The following DEPDC5 variants were observed in gnomAD, a reference collection of about 807,000 sequenced individuals.
The protein encoded by DEPDC5 is DEP domain containing 5, GATOR1 subcomplex subunit.
DEPDC5 carries 73 observed loss-of-function variants against 217.3 expected under a neutral mutation model. That is an observed-to-expected ratio of 0.34 (90% confidence interval 0.28 to 0.41). DEPDC5 has a LOEUF of 0.41. Among genes scored for constraint, DEPDC5 ranks in the 10% least tolerant of loss-of-function variants. The pLI is 1.00. For synonymous variants in DEPDC5, 733 were observed against 756.7 expected, an observed-to-expected ratio of 0.97 and a Z score of 0.51; for missense variants, 1,675 against 2,070.1, an observed-to-expected ratio of 0.81 and a Z score of 3.70.
chr22:31,899,705 T>A (rs1049932161), intron 40 of DEPDC5, among the ~76,000 whole-genome samples: 4 of 152,178 alleles, frequency 2.6e-5, no homozygotes, highest in Non-Finnish European at 5.9e-5. Context: ...TGCTCTTTAG[T>A]TGCCCTAAAT....
At chr22:31,814,894 G>A in intron 20 of DEPDC5, 98 bp from the exon 21 acceptor site, 3 of 1,319,148 alleles carry the variant, frequency 2.3e-6, no homozygotes, top group Non-Finnish European at 3.2e-6. Context: ...TTTGTTATTG[G>A]GTTCCATGTG....
intron 24 of DEPDC5, among the ~76,000 whole-genome samples, chr22:31,833,415 G>A (rs1232406561): frequency 6.6e-6 from 1 of 152,064 alleles, no homozygotes; most frequent in African/African-American, 2.4e-5. Context: ...CATGATTTGG[G>A]GAAGAAAATT....
intron 12 of DEPDC5, among the ~76,000 whole-genome samples, chr22:31,797,183 A>G (rs1339884050): frequency 6.6e-6 from 1 of 151,920 alleles, no homozygotes; most frequent in Non-Finnish European, 1.5e-5. Context: ...GATGTTCTGT[A>G]TGTAAAGTTG....
At chr22:31,899,693 T>G (rs2093614510) in intron 40 of DEPDC5, among the ~76,000 whole-genome samples, 1 of 152,088 alleles carries the variant, frequency 6.6e-6, no homozygotes, top group Non-Finnish European at 1.5e-5. Context: ...TGCCTGGCTT[T>G]TTGCTCTTTA....
At chr22:31,882,588 G>A (rs1173473625) in intron 38 of DEPDC5, among the ~76,000 whole-genome samples, 2 of 152,214 alleles carry the variant, frequency 1.3e-5, no homozygotes, top group Non-Finnish European at 2.9e-5. Flanking sequence ...TGTGTTTACA[G>A]ATCTCTTGGT....
chr22:31,899,105 G>A (rs934873889), intron 40 of DEPDC5, among the ~76,000 whole-genome samples: 1 of 152,240 alleles, frequency 6.6e-6, no homozygotes, highest in Non-Finnish European at 1.5e-5. Flanking sequence ...CAGGGCTGGC[G>A]TTGGAGGACA....
chr22:31,825,479 C>T (rs1446105621), intron 24 of DEPDC5, among the ~76,000 whole-genome samples: 1 of 152,070 alleles, frequency 6.6e-6, no homozygotes, highest in Admixed American at 6.6e-5. Flanking sequence ...GTAGGTGTGT[C>T]CACCTGATGG....
intron 31 of DEPDC5, among the ~76,000 whole-genome samples, 182 bp from the exon 32 acceptor site, chr22:31,857,263 A>T (rs945613644): frequency 6.6e-6 from 1 of 152,172 alleles, no homozygotes; most frequent in Non-Finnish European, 1.5e-5. Context: ...ACTGTGGAGG[A>T]CTGGTGATTG....
rs571959540 is a variant in DEPDC5, at chr22:31,810,733, A to G, written c.1445+92A>G. ...GACCTCTAAGAGAGCAACCTTGAAAATCTTGTTTTGTTTTGTTTTGTTTCG... is the reference window on the plus strand; with the variant it reads ...GACCTCTAAGAGAGCAACCTTGAAAGTCTTGTTTTGTTTTGTTTTGTTTCG... On this transcript the variant is annotated intron_variant, in intron 20 of 42. Transcript: ENST00000651528. The G allele has an allele frequency of 3.9e-6, 6 of 1,544,528 alleles. No individual in the cohort carries two copies. The East Asian group carries it at 9.1e-5, about 23-fold the overall frequency.
chr22:31,858,634 T>G (rs2092392201), intron 32 of DEPDC5: 1 of 152,234 alleles, frequency 6.6e-6, no homozygotes, highest in Non-Finnish European at 1.5e-5. Flanking sequence ...AATTATATAC[T>G]TTTTTCTTTC....
chr22:31,802,345 G>A (rs144949532), intron 14 of DEPDC5, among the ~76,000 whole-genome samples: 41 of 152,044 alleles, frequency 2.7e-4, no homozygotes, highest in African/African-American at 9.4e-4. Context: ...GGCCAGGCTG[G>A]TCTCAAACTC....
intron 26 of DEPDC5, 186 bp downstream of exon 26, chr22:31,837,341 C>T (rs992500431): frequency 8.1e-6 from 5 of 614,332 alleles, no homozygotes; most frequent in Admixed American, 3.4e-5. Flanking sequence ...TGTATTTTAT[C>T]TTTTTTTTTC....
chr22:31,819,329 C>A (rs1357666884), intron 22 of DEPDC5, 104 bp downstream of exon 22: 2 of 1,242,640 alleles, frequency 1.6e-6, no homozygotes, highest in Non-Finnish European at 2.3e-6. Context: ...TGTTGCTCCA[C>A]CTGTAAGATG....
At chr22:31,804,970 C>A in intron 17 of DEPDC5, 55 bp downstream of exon 17, 1 of 1,512,970 alleles carries the variant, frequency 6.6e-7, no homozygotes, top group Admixed American at 1.9e-5. Flanking sequence ...AGCTTCCTTG[C>A]CATTTTTCTT....
chr22:31,852,885 G>C (rs2092104941), intron 31 of DEPDC5: 1 of 152,384 alleles, frequency 6.6e-6, no homozygotes, highest in Non-Finnish European at 1.5e-5. Flanking sequence ...AGGAGGCAGA[G>C]TCCTATCAGG....
intron 39 of DEPDC5, chr22:31,894,591 G>GCTCC (rs2093509360): frequency 6.6e-6 from 1 of 152,128 alleles, no homozygotes; most frequent in African/African-American, 2.4e-5. Context: ...TGGGCACGGA[G>GCTCC]GTTCACGCCT....
At chr22:31,758,924 A>G (rs2082151215) in intron 3 of DEPDC5, among the ~76,000 whole-genome samples, 1 of 148,730 alleles carries the variant, frequency 6.7e-6, no homozygotes, top group Non-Finnish European at 1.5e-5. Flanking sequence ...TTTTTTTGAG[A>G]TGGAGTCTAG....
intron 4 of DEPDC5, among the ~76,000 whole-genome samples, chr22:31,763,965 T>G (rs534350322): frequency 3.9e-5 from 6 of 152,306 alleles, no homozygotes; most frequent in Admixed American, 3.9e-4. Context: ...AGTATCCCTC[T>G]GTCGCCCAGG....
intron 29 of DEPDC5, among the ~76,000 whole-genome samples, 168 bp downstream of exon 29, chr22:31,843,980 A>G (rs554225390): frequency 4.0e-4 from 61 of 151,640 alleles, no homozygotes; most frequent in African/African-American, 1.3e-3. Context: ...AATCCCAGCA[A>G]TTTGGGAGGC....
Sources: gnomAD v4.1 joint callset for allele counts (sites outside exome capture counted in the v4.1 genomes callset) on GRCh38, gnomAD v4.1.1 for gene constraint, MANE v1.5 for transcripts, NCBI Gene and HGNC (gene_info 2026-07-23, HGNC 2026-07-21) for gene names.